Variants in ADCY9 observed in about 807,000 individuals in gnomAD.
The protein encoded by ADCY9 is adenylate cyclase type 9.
A neutral mutation model predicts 101.5 loss-of-function variants in ADCY9; 50 were observed. The ratio of observed to expected loss-of-function variants is 0.49; its 90% confidence interval spans 0.39 to 0.62. The LOEUF is 0.62. ADCY9 is among the 20% of genes least tolerant of loss of function. ADCY9 has a pLI of 0.00. For synonymous variants in ADCY9, 905 were observed against 769.3 expected, an observed-to-expected ratio of 1.18 and a Z score of -2.92; for missense variants, 1,662 against 1,800.4, an observed-to-expected ratio of 0.92 and a Z score of 1.39.
At position 4,114,272 on chromosome 16, in the gene ADCY9, C is replaced by G. The variant is rs1203445175; in HGVS notation, c.1171G>C (p.Glu391Gln). 1 of 1,613,942 alleles carries G rather than the reference C, an allele frequency of 6.2e-7. No homozygotes were observed. The highest frequency in any genetic ancestry group is 1.1e-5 in the South Asian group (1 of 91,084). The change falls in exon 2 of 11, where the codon GAA becomes CAA. Residue 391 changes from glutamate to glutamine, a missense_variant. By Grantham distance (29) the Glu-to-Gln change is conservative (BLOSUM62 2). Transcript: ENST00000294016. This position sits in a 1 kb window ranked among gnomAD's most constrained non-coding sequence, Gnocchi z 4.3. ...AFRPFKMQQI[E>Q]EVSILFADIV... The stretch of plus-strand genomic sequence containing the variant: ...TCTGCAAATAAAATACTGACTTCTT[C>G]GATCTGCTGCATCTTAAAAGGGCGG...
chr16:3,979,188 C>T lies in ADCY9; in HGVS notation c.2607G>A (p.Gly869=), dbSNP rs149112819. 1 of 1,614,108 alleles carries T rather than the reference C, an allele frequency of 6.2e-7. No individual in the cohort carries two copies. Among genetic ancestry groups the T allele is most frequent in the Non-Finnish European group, 8.5e-7 (1 of 1,180,026 alleles). ...GTGCGGGAAGCGACACCAGGATGGC[C>T]CCGATGCAGTGACGTGGTAGCCAGC... The part of the protein sequence containing the change: ...IAGWLPRHCI[G]AILVSLPALA... The change falls in exon 8 of 11, where the codon GGG becomes GGA. Residue 869 remains glycine (G), a synonymous_variant. Coordinates refer to ENST00000294016, the MANE Select transcript of ADCY9 (RefSeq NM_001116.4).
At chr16:4,048,403 G>A (rs1567453513) in intron 2 of ADCY9, among the ~76,000 whole-genome samples, 1 of 152,064 alleles carries the variant, frequency 6.6e-6, no homozygotes, top group Admixed American at 6.5e-5. Context: ...TTATTCCTGG[G>A]TCACATTCTC....
At chr16:4,007,313 C>G in intron 3 of ADCY9, 55 bp downstream of exon 3, 1 of 1,447,262 alleles carries the variant, frequency 6.9e-7, no homozygotes, top group Non-Finnish European at 9.1e-7. Flanking sequence ...ACGTGCTCTA[C>G]TGCAGAATTA....
In ADCY9 at chr16:3,977,541, G is replaced by A. The variant is rs141549186; in HGVS notation, c.2769C>T (p.Leu923=). The part of the protein sequence containing the change: ...CQLSSWMRSS[L]ATVVGAGPLL... ...GCGGCCCGGCCCCCACGACGGTGGCGAGGGAGGACCTCATCCAGGAGCTGA... is the reference window on the plus strand; with the variant it reads ...GCGGCCCGGCCCCCACGACGGTGGCAAGGGAGGACCTCATCCAGGAGCTGA... The change falls in exon 9 of 11, where the codon CTC becomes CTT. Residue 923 remains leucine (L), a synonymous_variant. Coordinates refer to ENST00000294016, the MANE Select transcript of ADCY9 (RefSeq NM_001116.4). The A allele has an allele frequency of 2.6e-5, 42 of 1,604,306 alleles. No individual in the cohort carries two copies. The highest frequency in any genetic ancestry group is 3.1e-5 in the Non-Finnish European group (36 of 1,175,846).
At chr16:4,069,150 G>GT (rs2056818041) in intron 2 of ADCY9, among the ~76,000 whole-genome samples, 1 of 152,166 alleles carries the variant, frequency 6.6e-6, no homozygotes, top group Non-Finnish European at 1.5e-5. Flanking sequence ...CACCAACAGT[G>GT]TTTCAGAGGG....
intron 2 of ADCY9, among the ~76,000 whole-genome samples, chr16:4,014,605 G>A (rs2056425640): frequency 6.6e-6 from 1 of 151,854 alleles, no homozygotes; most frequent in African/African-American, 2.4e-5. Context: ...GTGCCACCAT[G>A]CCTGGCTAAT....
At chr16:4,082,338 C>T (rs1437941026) in intron 2 of ADCY9, among the ~76,000 whole-genome samples, 1 of 152,144 alleles carries the variant, frequency 6.6e-6, no homozygotes, top group Non-Finnish European at 1.5e-5. Flanking sequence ...ACTATTGCCA[C>T]TGCACACCAG....
intron 10 of ADCY9, among the ~76,000 whole-genome samples, chr16:3,971,688 G>A (rs1337460639): frequency 6.6e-6 from 1 of 152,160 alleles, no homozygotes; most frequent in East Asian, 1.9e-4. Context: ...CCGCTCGTTG[G>A]GTTAGGAGTT....
chr16:4,014,291 C>G (rs1339665425), intron 2 of ADCY9, among the ~76,000 whole-genome samples: 3 of 149,474 alleles, frequency 2.0e-5, no homozygotes, highest in Non-Finnish European at 4.4e-5. Flanking sequence ...TGCACTCCAG[C>G]CTGGGTGACA....
chr16:4,020,824 T>TTA (rs2056471386), intron 2 of ADCY9, among the ~76,000 whole-genome samples: 35 of 39,648 alleles, frequency 8.8e-4, no homozygotes, highest in Non-Finnish European at 5.0e-4. Flanking sequence ...AGACTCCGTC[T>TTA]CAAAAAAAAA....
rs561556206 is a variant in ADCY9, at chr16:4,029,362, G to A, written c.1694-21804C>T. 4.4e-4 allele frequency among the ~76,000 whole-genome samples: 67 copies of A among 152,220 alleles called. 2 individuals are homozygous for A. Among genetic ancestry groups the A allele is most frequent in the African/African-American group, 1.5e-3 (62 of 41,534 alleles). On this transcript the variant is annotated intron_variant, in intron 2 of 10. Coordinates refer to ENST00000294016, the MANE Select transcript of ADCY9 (RefSeq NM_001116.4). Reference sequence around the variant, plus strand: ...TTCGATCTACAAAAATGGCAATTTCGTAGTAAAAAGGCAAAACTAGAGTGG... The same window carrying A: ...TTCGATCTACAAAAATGGCAATTTCATAGTAAAAAGGCAAAACTAGAGTGG...
chr16:3,988,780 G>A (rs571222737), intron 6 of ADCY9, among the ~76,000 whole-genome samples: 3 of 152,320 alleles, frequency 2.0e-5, no homozygotes, highest in Admixed American at 2.0e-4. Flanking sequence ...TGGCGAGGCT[G>A]CGCTTTAAGA....
At chr16:4,037,189 A>T (rs143224546) in intron 2 of ADCY9, among the ~76,000 whole-genome samples, 7 of 152,222 alleles carry the variant, frequency 4.6e-5, no homozygotes, top group African/African-American at 1.2e-4. Context: ...ATGGTGGTAC[A>T]TGCCTGTGGT....
rs1460603751 is a variant in ADCY9, at chr16:4,115,119, G to A, written c.324C>T (p.Cys108=). The part of the protein sequence containing the change: ...VNLEEACLER[C]FPQTQRRFRY... ...GGAACCGGCGCTGGGTCTGCGGGAA[G>A]CAGCGCTCCAGGCAGGCCTCCTCCA... The change falls in exon 2 of 11, where the codon TGC becomes TGT. Residue 108 remains cysteine, a synonymous_variant. Transcript: ENST00000294016. This position sits in a 1 kb window ranked among gnomAD's most constrained non-coding sequence, Gnocchi z 6.2. The A allele has an allele frequency of 8.7e-6, 14 of 1,613,752 alleles. No homozygotes were observed. Among genetic ancestry groups the A allele is most frequent in the Non-Finnish European group, 1.1e-5 (13 of 1,180,046 alleles).
intron 2 of ADCY9, among the ~76,000 whole-genome samples, chr16:4,041,738 T>C (rs2056627998): frequency 2.0e-5 from 3 of 150,636 alleles, no homozygotes; most frequent in African/African-American, 7.4e-5. Flanking sequence ...TTTGTTTTTA[T>C]TTATCTGATT....
Position 4,114,432 on chromosome 16 carries a change from C to T in ADCY9, c.1011G>A (p.Val337=). ...AGTCATCGGCTATGATTCTTGGCATCACGGAATGAATCATCCTCTCTTTGA... is the reference window on the plus strand; with the variant it reads ...AGTCATCGGCTATGATTCTTGGCATTACGGAATGAATCATCCTCTCTTTGA... ...KALKERMIHS[V]MPRIIADDLM... The change falls in exon 2 of 11, where the codon GTG becomes GTA. Residue 337 remains valine (V), a synonymous_variant. Coordinates refer to ENST00000294016, the MANE Select transcript of ADCY9 (RefSeq NM_001116.4). The surrounding 1 kb of genome is among the most constrained non-coding windows in gnomAD (Gnocchi z 4.3). 1.2e-6 allele frequency: 2 copies of T among 1,614,194 alleles called. No individual in the cohort carries two copies. Among genetic ancestry groups the T allele is most frequent in the Non-Finnish European group, 1.7e-6 (2 of 1,180,042 alleles).
At chr16:4,040,167 T>G (rs565509733) in intron 2 of ADCY9, among the ~76,000 whole-genome samples, 22 of 152,244 alleles carry the variant, frequency 1.4e-4, no homozygotes, top group African/African-American at 4.1e-4. Context: ...AACAAATCAT[T>G]TTGCTAATAA....
At chr16:3,971,566 C>A (rs2056052311) in intron 10 of ADCY9, among the ~76,000 whole-genome samples, 1 of 152,162 alleles carries the variant, frequency 6.6e-6, no homozygotes, top group Non-Finnish European at 1.5e-5. Flanking sequence ...AGCAAAATAA[C>A]CATTTGTTAC....
In ADCY9 at chr16:3,963,754, A is replaced by C. The variant is rs1212505278; in HGVS notation, c.*2021T>G. 2 of 183,576 alleles carry C rather than the reference A, an allele frequency of 1.1e-5. No individual in the cohort carries two copies. The highest frequency in any genetic ancestry group is 4.7e-5 in the African/African-American group (2 of 42,624). 11.4% of individuals were successfully genotyped at this position (183,576 alleles called of 1,614,324 possible). ...GGGGAAAGGGGAGGGGAGGACATTC[A>C]AATATACACCTTAATACTGATGCAG... On this transcript the variant is annotated 3_prime_UTR_variant, in exon 11 of 11. Transcript: ENST00000294016.
Sources: allele counts gnomAD v4.1 joint callset (sites outside exome capture counted in the v4.1 genomes callset), GRCh38; gene constraint gnomAD v4.1.1; non-coding constraint Gnocchi (gnomAD v3.1); transcripts MANE v1.5; gene names NCBI Gene and HGNC (gene_info 2026-07-23, HGNC 2026-07-21).